The following CXCL17 variants were observed in gnomAD, a reference collection of about 807,000 sequenced individuals.
CXCL17 encodes the protein C-X-C motif chemokine 17.
In CXCL17, 9 loss-of-function variants were observed where a neutral mutation model predicts 15.5. That is an observed-to-expected ratio of 0.58 (90% CI 0.35 to 1.01). CXCL17 has a LOEUF of 1.01. Ranked by LOEUF, CXCL17 falls within the 50% of genes least tolerant of loss-of-function variation. CXCL17 has a pLI of 0.02. For missense variants in CXCL17, 133 were observed against 138.2 expected (o/e 0.96, Z 0.19); for synonymous variants, 52 against 52.3 (o/e 0.99, Z 0.02).
chr19:42,433,927 A>G (rs1568620814), intron 1 of CXCL17, 71 bp from the exon 2 acceptor site: 1 of 1,169,314 alleles, frequency 8.6e-7, no homozygotes, highest in African/African-American at 1.5e-5. Flanking sequence ...GCATTGTTCT[A>G]CCTAGGTCAG....
chr19:42,442,721 C>G, intron 1 of CXCL17, 33 bp downstream of exon 1: 1 of 1,529,808 alleles, frequency 6.5e-7, no homozygotes, highest in Non-Finnish European at 9.0e-7. Context: ...CATTTCTCCC[C>G]CCGTTTTCCC....
intron 1 of CXCL17, among the ~76,000 whole-genome samples, chr19:42,438,436 C>CAT (rs1293816619): frequency 7.7e-6 from 1 of 130,098 alleles, no homozygotes; most frequent in Non-Finnish European, 1.6e-5. Context: ...CACACACACA[C>CAT]ATATATACTG....
Position 42,428,739 on chromosome 19 carries a change from A to G in CXCL17, c.*145T>C. On this transcript the variant is annotated 3_prime_UTR_variant, in exon 4 of 4. Transcript: ENST00000601181. ...GAGAGCAACAAACAAAATGATCTTG[A>G]AAAACATGCTTTTTGAGAGCACTGG... 1.4e-6 allele frequency: 1 copy of G among 701,036 alleles called. No homozygotes were observed. Among genetic ancestry groups the G allele is most frequent in the Admixed American group, 2.1e-5 (1 of 46,666 alleles). The allele number at this position is 701,036 out of a possible 1,614,324, so 43.4% of individuals were successfully genotyped here. A position where few individuals can be genotyped will look rare whatever the true frequency, so the allele number is the denominator to read the frequency against.
At position 42,431,673 on chromosome 19, in the gene CXCL17, C is replaced by CATT. The variant is rs922381193; in HGVS notation, c.262+1300_262+1302dup. On this transcript the variant is annotated intron_variant, in intron 3 of 3. Transcript: ENST00000601181. ...CCAGCCAACACATAATGATTTATCTCATTATTATTATTATTATTTTTATTA... is the reference window on the plus strand; with the variant it reads ...CCAGCCAACACATAATGATTTATCTCATTATTATTATTATTATTATTTTTATTA... 1.4e-4 allele frequency among the ~76,000 whole-genome samples: 21 copies of CATT among 149,388 alleles called. 1 individual carries two copies. The South Asian group carries it at 2.7e-3, about 19-fold the overall frequency.
intron 1 of CXCL17, among the ~76,000 whole-genome samples, chr19:42,442,147 T>A (rs1476498558): frequency 6.6e-6 from 1 of 152,112 alleles, no homozygotes; most frequent in East Asian, 1.9e-4. Flanking sequence ...CAAATCTTTG[T>A]TGAGCTAGTA....
chr19:42,438,410 T>TACAC lies in CXCL17; in HGVS notation c.79+4340_79+4343dup, dbSNP rs145217809. On this transcript the variant is annotated intron_variant, in intron 1 of 3. Transcript: ENST00000601181. ...TATATATATATATATATATATAAAA[T>TACAC]ACACACACACACACACACACACACA... is the stretch of plus-strand genomic sequence containing the variant. 7.0e-3 allele frequency among the ~76,000 whole-genome samples: 633 copies of TACAC among 90,000 alleles called. 5 individuals carry two copies. Among genetic ancestry groups the TACAC allele is most frequent in the Middle Eastern group, 0.032 (6 of 188 alleles). 59.0% of individuals were successfully genotyped at this position (90,000 alleles called of 152,430 possible). A position where few individuals can be genotyped will look rare whatever the true frequency, so the allele number is the denominator to read the frequency against.
chr19:42,432,872 C>G, intron 3 of CXCL17, 104 bp downstream of exon 3: 1 of 818,000 alleles, frequency 1.2e-6, no homozygotes, highest in Non-Finnish European at 2.1e-6. Flanking sequence ...GTGTGCTTAT[C>G]CTGGTCTTAA....
chr19:42,440,914 A>G (rs2040885640), intron 1 of CXCL17, among the ~76,000 whole-genome samples: 1 of 152,012 alleles, frequency 6.6e-6, no homozygotes, highest in Non-Finnish European at 1.5e-5. Flanking sequence ...AGGGGTTTGG[A>G]TGAGGGAGAG....
At chr19:42,432,306 C>CG (rs1420652423) in intron 3 of CXCL17, among the ~76,000 whole-genome samples, 1 of 151,690 alleles carries the variant, frequency 6.6e-6, no homozygotes, top group Admixed American at 6.6e-5. Context: ...CACTATGCCC[C>CG]GCTAATTTTT....
chr19:42,433,690 A>G (rs1280557947), intron 2 of CXCL17, 86 bp downstream of exon 2: 1 of 1,111,716 alleles, frequency 9.0e-7, no homozygotes, highest in Non-Finnish European at 1.4e-6. Context: ...AGCTGAGATA[A>G]CATCTGCATT....
chr19:42,429,050 C>T lies in CXCL17; in HGVS notation c.263-69G>A, dbSNP rs374194006. The T allele has an allele frequency of 1.6e-4, 194 of 1,250,788 alleles. 3 individuals are homozygous for T. In the South Asian group the frequency reaches 1.8e-3, roughly 11 times the overall value. 77.5% of individuals were successfully genotyped at this position (1,250,788 alleles called of 1,614,324 possible). On this transcript the variant is annotated intron_variant, in intron 3 of 3. Transcript: ENST00000601181. ...TTAACATTTCTTTTTTTTTTGGAGA[C>T]GGAGTCTTGCTCTATTGCCCAGGCT...
Position 42,428,911 on chromosome 19 carries a change from C to A in CXCL17, c.333G>T (p.Gln111His). 6.2e-7 allele frequency: 1 copy of A among 1,614,104 alleles called. No homozygotes were observed. Among genetic ancestry groups the A allele is most frequent in the Non-Finnish European group, 8.5e-7 (1 of 1,179,970 alleles). The change falls in exon 4 of 4, where the codon CAG (glutamine) becomes CAT (histidine). Residue 111 changes from glutamine to histidine, a missense_variant. Physicochemically the swap from Gln to His is conservative, Grantham distance 24 (BLOSUM62 0). Coordinates refer to ENST00000601181, the MANE Select transcript of CXCL17 (RefSeq NM_198477.3). Reference sequence around the variant, plus strand: ...ACAAAGGCAGAGCAAAGCTTCTTAGCTGACATTGTTTGAGAAATTGCTGGC... The same window carrying A: ...ACAAAGGCAGAGCAAAGCTTCTTAGATGACATTGTTTGAGAAATTGCTGGC... ...RACQQFLKQC[Q>H]LRSFALPL
rs901843610 is a variant in CXCL17 at position 42,431,617 on chromosome 19, T to C, written c.262+1359A>G. The stretch of plus-strand genomic sequence containing the variant: ...TGAAATAGGGGGTCTCTACATCATT[T>C]TTTTTTCATTAATATATTGTGGATA... On this transcript the variant is annotated intron_variant, in intron 3 of 3. Transcript: ENST00000601181. 7.3e-5 allele frequency among the ~76,000 whole-genome samples: 11 copies of C among 151,534 alleles called. No homozygotes were observed. The South Asian group carries it at 8.3e-4, about 11-fold the overall frequency.
At chr19:42,440,118 G>A (rs1026699087) in intron 1 of CXCL17, among the ~76,000 whole-genome samples, 1 of 152,080 alleles carries the variant, frequency 6.6e-6, no homozygotes, top group African/African-American at 2.4e-5. Flanking sequence ...AGATTTGTGA[G>A]GACAAATGAG....
In CXCL17 at chr19:42,428,334, CTT is replaced by C. The variant is rs112559750; in HGVS notation, c.*548_*549del. ...AGACCGTGTCTGGTTCATTGGTATGCTTTTTTTTTTTTGTCCCACCTCGCTCT... is the reference window on the plus strand; with the variant it reads ...AGACCGTGTCTGGTTCATTGGTATGCTTTTTTTTTTGTCCCACCTCGCTCT... On this transcript the variant is annotated 3_prime_UTR_variant, in exon 4 of 4. Coordinates refer to ENST00000601181, the MANE Select transcript of CXCL17 (RefSeq NM_198477.3). 1.8e-4 allele frequency: 26 copies of C among 142,364 alleles called. No individual in the cohort carries two copies. The highest frequency in any genetic ancestry group is 9.8e-4 in the Admixed American group (14 of 14,296). The allele number at this position is 142,364 out of a possible 1,614,324, so 8.8% of individuals were successfully genotyped here.
intron 1 of CXCL17, among the ~76,000 whole-genome samples, chr19:42,439,580 G>A (rs539223112): frequency 1.3e-5 from 2 of 152,118 alleles, no homozygotes; most frequent in Admixed American, 1.3e-4. Context: ...GAGAAACCTG[G>A]CAGACACCAC....
chr19:42,433,495 A>T (rs2147694822), intron 2 of CXCL17, among the ~76,000 whole-genome samples: 1 of 152,204 alleles, frequency 6.6e-6, no homozygotes, highest in African/African-American at 2.4e-5. Context: ...CCAGGAAAAA[A>T]TAAAAAGGCT....
rs777573862 is a variant in CXCL17, at chr19:42,430,999, G to A, written c.262+1977C>T. On this transcript the variant is annotated intron_variant, in intron 3 of 3. Transcript: ENST00000601181. ...ATTACAGATGTGCACCATCACGCCC[G>A]GCTAATTTTTTTGTATTTTAAGTAG... Among the ~76,000 whole-genome samples the A allele has an allele frequency of 1.1e-4, 16 of 152,120 alleles. 1 individual carries two copies. Among genetic ancestry groups the A allele is most frequent in the Non-Finnish European group, 2.2e-4 (15 of 67,978 alleles).
At position 42,431,692 on chromosome 19, in the gene CXCL17, T is replaced by A. The variant is rs527386155; in HGVS notation, c.262+1284A>T. On this transcript the variant is annotated intron_variant, in intron 3 of 3. Transcript: ENST00000601181. ...TTATCTCATTATTATTATTATTATT[T>A]TTATTATTATTGTTATTATTATATT... Among the ~76,000 whole-genome samples the A allele has an allele frequency of 1.1e-4, 17 of 150,136 alleles. No homozygotes were observed. The South Asian group carries it at 1.5e-3, about 13-fold the overall frequency.
Sources: allele counts gnomAD v4.1 joint callset (sites outside exome capture counted in the v4.1 genomes callset), GRCh38; gene constraint gnomAD v4.1.1; transcripts MANE v1.5; gene names NCBI Gene and HGNC (gene_info 2026-07-23, HGNC 2026-07-21).